The following SPIDR variants were observed in gnomAD, a reference collection of about 807,000 sequenced individuals.
SPIDR encodes the protein DNA repair-scaffolding protein.
Under a neutral mutation model 104.6 loss-of-function variants are expected in SPIDR, and 93 were observed. The ratio of observed to expected loss-of-function variants is 0.89; its 90% CI spans 0.75 to 1.06. SPIDR has a LOEUF of 1.06. Among genes scored for constraint, SPIDR ranks in the 50% least tolerant of loss-of-function variants. The pLI is 0.00. For synonymous variants in SPIDR, 431 were observed against 416.9 expected, an observed-to-expected ratio of 1.03 and a Z score of -0.41; for missense variants, 1,154 against 1,111.2, an observed-to-expected ratio of 1.04 and a Z score of -0.55.
intron 8 of SPIDR, among the ~76,000 whole-genome samples, chr8:47,565,330 A>T (rs1564349656): frequency 3.3e-5 from 5 of 152,320 alleles, no homozygotes; most frequent in Admixed American, 3.3e-4. Context: ...ATTGGGCAGT[A>T]AAGAGAAGCA....
chr8:47,605,821 T>TA (rs749028531), intron 10 of SPIDR, among the ~76,000 whole-genome samples: 4 of 151,998 alleles, frequency 2.6e-5, no homozygotes, highest in East Asian at 1.9e-4. Flanking sequence ...CATAGATGCT[T>TA]AAAAAAAATA....
intron 8 of SPIDR, among the ~76,000 whole-genome samples, chr8:47,479,849 A>T (rs529152254): frequency 5.3e-5 from 8 of 152,346 alleles, no homozygotes; most frequent in African/African-American, 1.4e-4. Context: ...AACAGCAGCT[A>T]GGAACACTAA....
chr8:47,432,088 A>G (rs2067461740), intron 7 of SPIDR, among the ~76,000 whole-genome samples: 1 of 152,228 alleles, frequency 6.6e-6, no homozygotes, highest in Admixed American at 6.5e-5. Flanking sequence ...TAATAACACA[A>G]TCAATACTTT....
At chr8:47,601,647 C>G (rs970942448) in intron 10 of SPIDR, among the ~76,000 whole-genome samples, 6 of 152,106 alleles carry the variant, frequency 3.9e-5, no homozygotes, top group African/African-American at 7.2e-5. Flanking sequence ...GAGCCAAGAT[C>G]GTGCCACTGC....
chr8:47,361,055 TAA>T, intron 5 of SPIDR: 1 of 861,912 alleles, frequency 1.2e-6, no homozygotes, highest in Non-Finnish European at 1.4e-6. Context: ...GTTCAACTGA[TAA>T]ATGGATTACA....
At chr8:47,283,976 T>G in intron 2 of SPIDR, 52 bp from the exon 3 acceptor site, 1 of 1,320,310 alleles carries the variant, frequency 7.6e-7, no homozygotes, top group Non-Finnish European at 1.1e-6. Flanking sequence ...TTTATAAAAG[T>G]TTTTTTTTAG....
intron 10 of SPIDR, chr8:47,673,517 T>G (rs901327395): frequency 7.7e-6 from 4 of 520,204 alleles, no homozygotes; most frequent in African/African-American, 3.8e-5. Context: ...TTGGCTTAGG[T>G]TTTAGTTTCA....
At chr8:47,704,583 C>T (rs2080807244) in intron 14 of SPIDR, among the ~76,000 whole-genome samples, 1 of 152,214 alleles carries the variant, frequency 6.6e-6, no homozygotes, top group South Asian at 2.1e-4. Flanking sequence ...AGGTACTTCA[C>T]CGCGTTGTCT....
chr8:47,636,316 A>T (rs887680686), intron 10 of SPIDR, among the ~76,000 whole-genome samples: 3 of 145,502 alleles, frequency 2.1e-5, no homozygotes, highest in African/African-American at 8.1e-5. Context: ...CTGTTCCTCC[A>T]TCTCTTTCCC....
At chr8:47,733,623 G>A (rs180836328) in intron 19 of SPIDR, among the ~76,000 whole-genome samples, 19 of 152,066 alleles carry the variant, frequency 1.2e-4, no homozygotes, top group Admixed American at 5.2e-4. Context: ...CTCCCCGTGC[G>A]GTGACCCTGC....
At chr8:47,274,578 AT>A (rs199833655) in intron 1 of SPIDR, among the ~76,000 whole-genome samples, 1,689 of 144,694 alleles carry the variant, frequency 0.012, 27 homozygotes, top group African/African-American at 0.035. Flanking sequence ...TTTCCTCAGA[AT>A]TTTTTTTTTT....
chr8:47,525,180 C>G (rs1394677417), intron 8 of SPIDR, among the ~76,000 whole-genome samples: 2 of 152,198 alleles, frequency 1.3e-5, no homozygotes, highest in African/African-American at 4.8e-5. Context: ...GCTAGTTACT[C>G]CCTATGATTC....
At chr8:47,298,721 C>T (rs1375986648) in intron 5 of SPIDR, among the ~76,000 whole-genome samples, 141 of 152,286 alleles carry the variant, frequency 9.3e-4, no homozygotes, top group African/African-American at 3.3e-3. Flanking sequence ...ATCCTTTCCC[C>T]ATTTCTTGTT....
chr8:47,382,628 G>A (rs541076926), intron 5 of SPIDR, among the ~76,000 whole-genome samples: 1 of 152,224 alleles, frequency 6.6e-6, no homozygotes, highest in Admixed American at 6.5e-5. Flanking sequence ...GGCTAGGATG[G>A]TCTCGATCTC....
At chr8:47,485,548 T>A (rs1554730488) in intron 8 of SPIDR, among the ~76,000 whole-genome samples, 4 of 152,234 alleles carry the variant, frequency 2.6e-5, no homozygotes, top group African/African-American at 9.6e-5. Context: ...ACGGACAGAC[T>A]GCCTCCTCAA....
chr8:47,497,554 G>A (rs1001204193), intron 8 of SPIDR, among the ~76,000 whole-genome samples: 1 of 151,972 alleles, frequency 6.6e-6, no homozygotes, highest in African/African-American at 2.4e-5. Flanking sequence ...ATTTCGCCGT[G>A]GTCAAATAAG....
At chr8:47,310,018 G>A (rs1554583970) in intron 5 of SPIDR, among the ~76,000 whole-genome samples, 1 of 150,292 alleles carries the variant, frequency 6.7e-6, no homozygotes, top group Non-Finnish European at 1.5e-5. Context: ...CAGCCTGGGC[G>A]ACAGACTCTG....
chr8:47,338,992 GT>G (rs1554611813), intron 5 of SPIDR, among the ~76,000 whole-genome samples: 1 of 152,196 alleles, frequency 6.6e-6, no homozygotes, highest in Non-Finnish European at 1.5e-5. Context: ...CATTGTTGTA[GT>G]TTAGATAAAA....
chr8:47,514,680 G>T (rs1287116782), intron 8 of SPIDR, among the ~76,000 whole-genome samples: 1 of 152,150 alleles, frequency 6.6e-6, no homozygotes, highest in Non-Finnish European at 1.5e-5. Flanking sequence ...ATAAAAAATA[G>T]AAATCAGAAT....
Sources: gnomAD v4.1 joint callset for allele counts (sites outside exome capture counted in the v4.1 genomes callset) on GRCh38, gnomAD v4.1.1 for gene constraint, MANE v1.5 for transcripts, NCBI Gene and HGNC (gene_info 2026-07-23, HGNC 2026-07-21) for gene names.